The following GFRA2 variants were observed in gnomAD, a reference collection of about 807,000 sequenced individuals.
The protein encoded by GFRA2 is GDNF family receptor alpha-2.
A neutral mutation model predicts 48.3 loss-of-function variants in GFRA2; 17 were observed. The observed-to-expected ratio is 0.35, with a 90% CI of 0.24 to 0.53. The LOEUF (loss-of-function observed/expected upper bound fraction) is 0.53. Among genes scored for constraint, GFRA2 ranks in the 20% least tolerant of loss-of-function variants. The probability of loss-of-function intolerance (pLI) is 0.93; values close to 1 mark genes in which losing one functional copy is unlikely to be tolerated. For synonymous variants in GFRA2, 305 were observed against 257.2 expected, an observed-to-expected ratio of 1.19 and a Z score of -1.78; for missense variants, 660 against 637.3, an observed-to-expected ratio of 1.04 and a Z score of -0.38.
chr8:21,701,165 C>A lies in GFRA2; in HGVS notation c.1218+1640G>T, dbSNP rs577982103. Among the ~76,000 whole-genome samples, 102 of 152,318 alleles carry A rather than the reference C, an allele frequency of 6.7e-4. 1 individual carries two copies. Among genetic ancestry groups the A allele is most frequent in the Admixed American group, 6.4e-3 (98 of 15,296 alleles). On this transcript the variant is annotated intron_variant, in intron 7 of 8. Coordinates refer to ENST00000524240, the MANE Select transcript of GFRA2 (RefSeq NM_001495.5). The stretch of plus-strand genomic sequence containing the variant: ...ATCCCAGTACTTTGGGAGGCCGAGG[C>A]GGGTGGATCACAAGCTCAGGAGATC...
At chr8:21,694,276 C>T (rs1027294136) in intron 8 of GFRA2, among the ~76,000 whole-genome samples, 188 bp downstream of exon 8, 4 of 151,606 alleles carry the variant, frequency 2.6e-5, no homozygotes, top group Non-Finnish European at 5.9e-5. Flanking sequence ...GAGCCAGGGG[C>T]CCTGGATGCA....
chr8:21,783,405 G>T (rs1285752983), intron 1 of GFRA2, among the ~76,000 whole-genome samples: 1 of 152,208 alleles, frequency 6.6e-6, no homozygotes, highest in African/African-American at 2.4e-5. Context: ...TTGCCTGTTA[G>T]GACCTTATAG....
intron 2 of GFRA2, among the ~76,000 whole-genome samples, chr8:21,798,419 G>A (rs1265627131): frequency 6.6e-6 from 1 of 152,116 alleles, no homozygotes; most frequent in Non-Finnish European, 1.5e-5. Context: ...TTGAATCTCA[G>A]TGCTCTCCTC....
intron 3 of GFRA2, among the ~76,000 whole-genome samples, chr8:21,767,955 TGA>T (rs1249568937): frequency 0.034 from 3,077 of 90,580 alleles, 103 homozygotes; most frequent in African/African-American, 0.1. Flanking sequence ...TCACTGGCGT[TGA>T]CAGAGAGAGA....
chr8:21,703,556 G>C (rs372777964), intron 6 of GFRA2, among the ~76,000 whole-genome samples: 3 of 152,136 alleles, frequency 2.0e-5, no homozygotes, highest in African/African-American at 4.8e-5. Flanking sequence ...TCTCAAACTC[G>C]TTATGTCTAA....
chr8:21,764,166 T>C (rs377459760), intron 3 of GFRA2, among the ~76,000 whole-genome samples: 51 of 152,268 alleles, frequency 3.3e-4, no homozygotes, highest in African/African-American at 1.2e-3. Flanking sequence ...TATAAATAAA[T>C]CACAGAAATT....
intron 3 of GFRA2, among the ~76,000 whole-genome samples, chr8:21,762,013 C>T (rs1453102073): frequency 2.6e-5 from 4 of 152,126 alleles, no homozygotes; most frequent in African/African-American, 9.7e-5. Context: ...TCCCATCTCA[C>T]CTCTCTGGCT....
intron 3 of GFRA2, among the ~76,000 whole-genome samples, chr8:21,759,669 A>T (rs1805800354): frequency 6.6e-6 from 1 of 152,102 alleles, no homozygotes. Flanking sequence ...TAGGTGGATC[A>T]GTGAAGGCCA....
At chr8:21,795,295 GGAGGGGGGCGTGA>G (rs1807648867) in intron 2 of GFRA2, among the ~76,000 whole-genome samples, 1 of 152,148 alleles carries the variant, frequency 6.6e-6, no homozygotes, top group Admixed American at 6.5e-5. Context: ...AACATCCCTG[GGAGGGGGGCGTGA>G]GAGAATTAAT....
At chr8:21,748,085 T>C (rs549634347) in intron 4 of GFRA2, among the ~76,000 whole-genome samples, 11 of 152,280 alleles carry the variant, frequency 7.2e-5, no homozygotes, top group Non-Finnish European at 1.3e-4. Context: ...TCCTGAGCTC[T>C]AGCAACCCCT....
chr8:21,704,602 G>A (rs1034154980), intron 6 of GFRA2, among the ~76,000 whole-genome samples: 1 of 152,204 alleles, frequency 6.6e-6, no homozygotes, highest in Non-Finnish European at 1.5e-5. Context: ...TTCTGGGTTA[G>A]GAGTTTGACG....
rs370806548 is a variant in GFRA2 at position 21,701,348 on chromosome 8, C to T, written c.1218+1457G>A. On this transcript the variant is annotated intron_variant, in intron 7 of 8. Transcript: ENST00000524240. ...GGTGGAGCTTGCAGTGAGCCGAGAT[C>T]GCGCCACTGCACTCCAGCCTGGGCG... is the stretch of plus-strand genomic sequence containing the variant. Among the ~76,000 whole-genome samples, 5 of 152,170 alleles carry T rather than the reference C, an allele frequency of 3.3e-5. No homozygotes were observed. In the East Asian group the frequency reaches 5.8e-4, roughly 18 times the overall value.
At chr8:21,763,816 C>T (rs998340212) in intron 3 of GFRA2, among the ~76,000 whole-genome samples, 1 of 151,908 alleles carries the variant, frequency 6.6e-6, no homozygotes, top group African/African-American at 2.4e-5. Context: ...ACTTCCCAGC[C>T]TGCATGAAAC....
At position 21,694,768 on chromosome 8, in the gene GFRA2, G is replaced by A. The variant is rs185674038; in HGVS notation, c.1219-251C>T. ...GTTCTAACTCTGCTCCCAACTAGCGGCATTATATAGTCATCAGCCATTCGC... is the reference window on the plus strand; with the variant it reads ...GTTCTAACTCTGCTCCCAACTAGCGACATTATATAGTCATCAGCCATTCGC... On this transcript the variant is annotated intron_variant, in intron 7 of 8. Transcript: ENST00000524240. Among the ~76,000 whole-genome samples the A allele has an allele frequency of 2.0e-5, 3 of 152,264 alleles. No individual in the cohort carries two copies. In the East Asian group the frequency reaches 5.8e-4, roughly 29 times the overall value.
chr8:21,759,437 G>GGAGGGAGA (rs1330590994), intron 3 of GFRA2, among the ~76,000 whole-genome samples: 7 of 87,718 alleles, frequency 8.0e-5, no homozygotes, highest in African/African-American at 1.6e-4. Context: ...AGGGAAAGAG[G>GGAGGGAGA]GAGGGAGAGA....
intron 2 of GFRA2, 27 bp downstream of exon 2, chr8:21,782,558 C>G: frequency 6.5e-7 from 1 of 1,528,522 alleles, no homozygotes; most frequent in South Asian, 1.2e-5. Flanking sequence ...CACCCCCTCC[C>G]CTTGGGCAAG....
At chr8:21,769,966 T>C (rs1309542533) in intron 3 of GFRA2, among the ~76,000 whole-genome samples, 1 of 152,166 alleles carries the variant, frequency 6.6e-6, no homozygotes, top group Non-Finnish European at 1.5e-5. Context: ...CCACCCCAGA[T>C]GCATGCTGGC....
chr8:21,701,380 C>A (rs1039600084), intron 7 of GFRA2, among the ~76,000 whole-genome samples: 5 of 152,090 alleles, frequency 3.3e-5, no homozygotes, highest in African/African-American at 9.7e-5. Context: ...GGCGAGACTG[C>A]GAGACTCCGT....
At chr8:21,802,431 T>C (rs2117115278) in intron 2 of GFRA2, among the ~76,000 whole-genome samples, 1 of 152,314 alleles carries the variant, frequency 6.6e-6, no homozygotes, top group Non-Finnish European at 1.5e-5. Flanking sequence ...CATGGGTCAC[T>C]ATAGCCTTGA....
Sources: allele counts gnomAD v4.1 joint callset (sites outside exome capture counted in the v4.1 genomes callset), GRCh38; gene constraint gnomAD v4.1.1; transcripts MANE v1.5; gene names NCBI Gene and HGNC (gene_info 2026-07-23, HGNC 2026-07-21).